FBXL13: variants seen among roughly 807,000 people sequenced by gnomAD.
The protein encoded by FBXL13 is F-box and leucine rich repeat protein 13, also known as F-box and leucine-rich repeat protein 13.
A neutral mutation model predicts 83.6 loss-of-function variants in FBXL13; 67 were observed. The ratio of observed to expected loss-of-function variants is 0.80; its 90% CI spans 0.66 to 0.98. The LOEUF is 0.98. Ranked by LOEUF, FBXL13 falls within the 50% of genes least tolerant of loss-of-function variation. The pLI is 0.00. For missense variants in FBXL13, 822 were observed against 866.5 expected, an observed-to-expected ratio of 0.95 and a Z score of 0.64; for synonymous variants, 272 against 299.5, an observed-to-expected ratio of 0.91 and a Z score of 0.95.
At chr7:102,968,638 ACAAAACAT>A (rs1208617330) in intron 6 of FBXL13, among the ~76,000 whole-genome samples, 1 of 152,254 alleles carries the variant, frequency 6.6e-6, no homozygotes. Flanking sequence ...TCCTGCTGGT[ACAAAACAT>A]CAGTAAATGC....
intron 8 of FBXL13, chr7:102,933,359 A>G (rs1819602381): frequency 6.6e-6 from 1 of 152,172 alleles, no homozygotes. Context: ...CTTTTAAAGA[A>G]GGAGAATTCT....
At chr7:102,961,784 T>C (rs1231031152) in intron 8 of FBXL13, among the ~76,000 whole-genome samples, 1 of 136,356 alleles carries the variant, frequency 7.3e-6, no homozygotes, top group African/African-American at 2.8e-5. Flanking sequence ...GCTAGCCATA[T>C]GTAGAAAGCT....
rs149628524 is a variant in FBXL13, at chr7:103,017,513, G to A, written c.495+7550C>T. Reference sequence around the variant, plus strand: ...AAGTTGAGAGAAGAAGGCTTCAGACGATCAAACTTCTCCAAGCTAAAGAGG... The same window carrying A: ...AAGTTGAGAGAAGAAGGCTTCAGACAATCAAACTTCTCCAAGCTAAAGAGG... On this transcript the variant is annotated intron_variant, in intron 6 of 19. Coordinates refer to ENST00000313221, the Ensembl canonical transcript of FBXL13. Among the ~76,000 whole-genome samples the A allele has an allele frequency of 4.9e-3, 743 of 152,232 alleles. 5 individuals are homozygous for A. Among genetic ancestry groups the A allele is most frequent in the African/African-American group, 0.017 (687 of 41,552 alleles).
chr7:102,916,962 AC>A (rs1199097590), intron 10 of FBXL13, among the ~76,000 whole-genome samples: 1 of 151,962 alleles, frequency 6.6e-6, no homozygotes, highest in Non-Finnish European at 1.5e-5. Flanking sequence ...AATTTCTAAC[AC>A]CTGAAGGACT....
intron 8 of FBXL13, chr7:102,944,926 G>C (rs1447975388): frequency 4.8e-6 from 1 of 206,198 alleles, no homozygotes; most frequent in African/African-American, 2.3e-5. Flanking sequence ...AGAAAATAAA[G>C]AAAAAAAACT....
At chr7:102,934,944 G>GT (rs2129473868) in intron 8 of FBXL13, among the ~76,000 whole-genome samples, 1 of 152,270 alleles carries the variant, frequency 6.6e-6, no homozygotes, top group Non-Finnish European at 1.5e-5. Flanking sequence ...TTTGCACATC[G>GT]CAAGCTGTCA....
rs1305397962 is a variant in FBXL13, at chr7:102,834,123, AAAGAAAGAAAG to A, written c.1720-1160_1720-1150del. On this transcript the variant is annotated intron_variant, in intron 17 of 19. Coordinates refer to ENST00000313221, the Ensembl canonical transcript of FBXL13. ...GAAAGAAAGAAAGAAAGAAAGAAAG[AAAGAAAGAAAG>A]AAAGAAAAGAGAAGACAAGAGAAAA... Among the ~76,000 whole-genome samples the A allele has an allele frequency of 6.3e-3, 710 of 112,782 alleles. 12 individuals are homozygous for A. Among genetic ancestry groups the A allele is most frequent in the African/African-American group, 0.023 (538 of 23,152 alleles). 74.0% of individuals were successfully genotyped at this position (112,782 alleles called of 152,430 possible). A position where few individuals can be genotyped will look rare whatever the true frequency, so the allele number is the denominator to read the frequency against.
intron 8 of FBXL13, among the ~76,000 whole-genome samples, chr7:102,939,011 T>G (rs1004741281): frequency 4.6e-5 from 7 of 152,184 alleles, no homozygotes; most frequent in African/African-American, 1.4e-4. Context: ...TTCGACCCAT[T>G]TATTTGTGGT....
rs184478149 is a variant in FBXL13 at position 102,951,625 on chromosome 7, T to C, written c.724+11908A>G. 4.8e-4 allele frequency among the ~76,000 whole-genome samples: 73 copies of C among 151,592 alleles called. No individual in the cohort carries two copies. The East Asian group carries it at 0.012, about 24-fold the overall frequency. Reference sequence around the variant, plus strand: ...GAGTTCAAGACCAGCCTGGGTAACATAGTCAGAGCCCGTCTCTACAAATTT... The same window carrying C: ...GAGTTCAAGACCAGCCTGGGTAACACAGTCAGAGCCCGTCTCTACAAATTT... On this transcript the variant is annotated intron_variant, in intron 8 of 19. Coordinates refer to ENST00000313221, the Ensembl canonical transcript of FBXL13.
At chr7:102,987,709 G>A (rs950632529) in intron 6 of FBXL13, among the ~76,000 whole-genome samples, 37 of 152,256 alleles carry the variant, frequency 2.4e-4, no homozygotes, top group Admixed American at 1.8e-3. Context: ...CTAATGGGAC[G>A]TGGAGAATTT....
intron 7 of FBXL13, 78 bp from the exon 9 acceptor site, chr7:102,963,743 A>C: frequency 1.2e-5 from 16 of 1,360,226 alleles, no homozygotes; most frequent in Non-Finnish European, 1.6e-5. Flanking sequence ...TAATAGACAA[A>C]TGTGACCTAA....
rs560330941 is a variant in FBXL13, at chr7:102,853,963, C to T, written c.1719+814G>A. Among the ~76,000 whole-genome samples, 5 of 152,228 alleles carry T rather than the reference C, an allele frequency of 3.3e-5. No homozygotes were observed. The South Asian group carries it at 6.2e-4, about 19-fold the overall frequency. Reference sequence around the variant, plus strand: ...TCAACCATTGTGGAAGCCAGTGCAGCGATTCCTTAGGGATCTAGAACTAGA... The same window carrying T: ...TCAACCATTGTGGAAGCCAGTGCAGTGATTCCTTAGGGATCTAGAACTAGA... On this transcript the variant is annotated intron_variant, in intron 17 of 19. Coordinates refer to ENST00000313221, the Ensembl canonical transcript of FBXL13.
rs138368403 is a variant in FBXL13 at position 102,830,459 on chromosome 7, G to A, written c.1854+2381C>T. ...AGTTGCAGAGAGTCAGTTGGTCAGCGCTTCTAGTGTTCTGGGTCCCTTGAC... is the reference window on the plus strand; with the variant it reads ...AGTTGCAGAGAGTCAGTTGGTCAGCACTTCTAGTGTTCTGGGTCCCTTGAC... On this transcript the variant is annotated intron_variant, in intron 18 of 19. Transcript: ENST00000313221. Among the ~76,000 whole-genome samples the A allele has an allele frequency of 3.3e-3, 502 of 152,322 alleles. 8 individuals carry two copies. Among genetic ancestry groups the A allele is most frequent in the African/African-American group, 0.012 (489 of 41,584 alleles).
chr7:102,970,497 A>C (rs78028208), intron 6 of FBXL13, among the ~76,000 whole-genome samples: 6 of 152,190 alleles, frequency 3.9e-5, no homozygotes, highest in African/African-American at 1.4e-4. Context: ...AAGAGGTTCC[A>C]CTGGTAATAA....
rs1016731919 is a variant in FBXL13 at position 102,944,875 on chromosome 7, A to G, written c.725-12942T>C. The G allele has an allele frequency of 4.1e-5, 14 of 342,164 alleles. No individual in the cohort carries two copies. The East Asian group carries it at 6.4e-4, about 16-fold the overall frequency. 21.2% of individuals were successfully genotyped at this position (342,164 alleles called of 1,614,324 possible). A position where few individuals can be genotyped will look rare whatever the true frequency, so the allele number is the denominator to read the frequency against. The stretch of plus-strand genomic sequence containing the variant: ...GCAGTTGGGTCCTAATGATGGCATT[A>G]GACTTTCATAATGTCCTGTATAAAT... On this transcript the variant is annotated intron_variant, in intron 8 of 19. Transcript: ENST00000313221.
intron 7 of FBXL13, among the ~76,000 whole-genome samples, chr7:102,964,085 C>T (rs1435111015): frequency 2.0e-5 from 3 of 152,056 alleles, no homozygotes; most frequent in Admixed American, 6.5e-5. Context: ...CCAAAGCGGG[C>T]GGATCACTTG....
intron 16 of FBXL13, among the ~76,000 whole-genome samples, chr7:102,856,633 A>G (rs1017049602): frequency 2.6e-5 from 4 of 152,254 alleles, no homozygotes; most frequent in Non-Finnish European, 5.9e-5. Flanking sequence ...TCATTAAAAC[A>G]TATGGCCTAA....
At chr7:102,913,351 A>G in intron 10 of FBXL13, 136 bp from the exon 12 acceptor site, 1 of 1,021,388 alleles carries the variant, frequency 9.8e-7, no homozygotes, top group Non-Finnish European at 1.4e-6. Flanking sequence ...CTTTACTGTT[A>G]ACTCTCTACC....
chr7:102,854,521 T>A (rs1263799553), intron 17 of FBXL13, among the ~76,000 whole-genome samples: 1 of 152,190 alleles, frequency 6.6e-6, no homozygotes, highest in Non-Finnish European at 1.5e-5. Context: ...TAAAGTATAA[T>A]TAAAAAATAG....
Sources: gnomAD v4.1 joint callset for allele counts (sites outside exome capture counted in the v4.1 genomes callset) on GRCh38, gnomAD v4.1.1 for gene constraint, MANE v1.5 for transcripts, NCBI Gene and HGNC (gene_info 2026-07-23, HGNC 2026-07-21) for gene names.